DSCAM: variants seen among roughly 807,000 people sequenced by gnomAD.
The protein encoded by DSCAM is DS cell adhesion molecule.
In DSCAM, 47 loss-of-function variants were observed where a neutral mutation model predicts 217.7. That is an observed-to-expected ratio of 0.22 (90% CI 0.17 to 0.28). The LOEUF is 0.28. Among genes scored for constraint, DSCAM ranks in the 10% least tolerant of loss-of-function variants. The probability of loss-of-function intolerance (pLI) is 1.00; values close to 1 mark genes in which losing one functional copy is unlikely to be tolerated. For synonymous variants in DSCAM, 1,056 were observed against 1,015.3 expected, an observed-to-expected ratio of 1.04 and a Z score of -0.76; for missense variants, 2,080 against 2,618.3, an observed-to-expected ratio of 0.79 and a Z score of 4.49.
intron 3 of DSCAM, among the ~76,000 whole-genome samples, chr21:40,464,557 T>TTGCG (rs1428227397): frequency 6.6e-6 from 1 of 152,170 alleles, no homozygotes; most frequent in African/African-American, 2.4e-5. Context: ...ACAGGAGTCA[T>TTGCG]TGCGACTCTT....
intron 16 of DSCAM, 110 bp downstream of exon 16, chr21:40,167,108 A>C: frequency 1.0e-6 from 1 of 980,382 alleles, no homozygotes; most frequent in South Asian, 1.7e-5. Context: ...AATTTTGAAA[A>C]AATAAAAGTT....
chr21:40,439,014 T>C (rs1601644623), intron 3 of DSCAM, among the ~76,000 whole-genome samples: 1 of 152,272 alleles, frequency 6.6e-6, no homozygotes, highest in South Asian at 2.1e-4. Flanking sequence ...AAAGTAGAAG[T>C]ACCCTTTTCT....
chr21:40,161,422 TAAAA>T lies in DSCAM; in HGVS notation c.3018+5792_3018+5795del, dbSNP rs1290765436. Among the ~76,000 whole-genome samples the T allele has an allele frequency of 7.6e-3, 1,153 of 151,838 alleles. 18 individuals carry two copies. Among genetic ancestry groups the T allele is most frequent in the African/African-American group, 0.027 (1,114 of 41,400 alleles). On this transcript the variant is annotated intron_variant, in intron 16 of 32. Coordinates refer to ENST00000400454, the MANE Select transcript of DSCAM (RefSeq NM_001389.5). ...TCTAGAAAGTCCACAGTTTTTTTTT[TAAAA>T]GCACCACCTCTTGATATGAACCTTT...
At chr21:40,453,415 C>T (rs1260955709) in intron 3 of DSCAM, among the ~76,000 whole-genome samples, 1 of 152,190 alleles carries the variant, frequency 6.6e-6, no homozygotes. Flanking sequence ...AGATTCTGCA[C>T]TATGACAGGC....
intron 18 of DSCAM, among the ~76,000 whole-genome samples, chr21:40,139,730 G>GT (rs2090265202): frequency 6.6e-6 from 1 of 151,814 alleles, no homozygotes; most frequent in Admixed American, 6.6e-5. Flanking sequence ...TGCAGTTTGT[G>GT]TATGTGTATG....
intron 14 of DSCAM, among the ~76,000 whole-genome samples, chr21:40,182,578 T>TGGACAGGAGGGGCCAGCAGAGAAACC (rs2090822108): frequency 1.1e-5 from 1 of 93,392 alleles, no homozygotes; most frequent in African/African-American, 3.9e-5. Context: ...CCAGAGAAAC[T>TGGACAGGAGGGGCCAGCAGAGAAACC]GTGGACAGGA....
chr21:40,015,415 C>CTTTT (rs1491369175), intron 32 of DSCAM, among the ~76,000 whole-genome samples: 1 of 57,920 alleles, frequency 1.7e-5, no homozygotes, highest in African/African-American at 5.7e-5. Flanking sequence ...TATCTCTTGA[C>CTTTT]TCTTTTTTTT....
chr21:40,424,543 C>T (rs1217598170), intron 3 of DSCAM, among the ~76,000 whole-genome samples: 1 of 152,162 alleles, frequency 6.6e-6, no homozygotes, highest in Non-Finnish European at 1.5e-5. Context: ...GAACATGGCC[C>T]TGCAGACACC....
intron 3 of DSCAM, among the ~76,000 whole-genome samples, chr21:40,505,044 G>T (rs1227821929): frequency 6.6e-6 from 1 of 152,170 alleles, no homozygotes; most frequent in Admixed American, 6.5e-5. Flanking sequence ...CAGGTGGAAG[G>T]TAAGAGCCTA....
At chr21:40,221,259 A>T (rs1039729815) in intron 11 of DSCAM, among the ~76,000 whole-genome samples, 3 of 151,964 alleles carry the variant, frequency 2.0e-5, no homozygotes, top group African/African-American at 7.2e-5. Context: ...CCACCACCAC[A>T]CTACCCAGCC....
rs571325784 is a variant in DSCAM, at chr21:40,521,417, T to C, written c.509-152172A>G. Among the ~76,000 whole-genome samples the C allele has an allele frequency of 2.1e-4, 32 of 152,320 alleles. No individual in the cohort carries two copies. The East Asian group carries it at 5.8e-3, about 28-fold the overall frequency. ...CTTTCTCCACATCCTCAGCAACCCTTGTTATCTTATTATGTCTTTTGGATA... is the reference window on the plus strand; with the variant it reads ...CTTTCTCCACATCCTCAGCAACCCTCGTTATCTTATTATGTCTTTTGGATA... On this transcript the variant is annotated intron_variant, in intron 3 of 32. Transcript: ENST00000400454.
At chr21:40,826,887 AATC>A (rs1419239320) in intron 1 of DSCAM, among the ~76,000 whole-genome samples, 1 of 152,180 alleles carries the variant, frequency 6.6e-6, no homozygotes, top group Admixed American at 6.5e-5. Context: ...TCAGAGAAGA[AATC>A]ATGGATAGAG....
intron 15 of DSCAM, among the ~76,000 whole-genome samples, chr21:40,168,125 G>A (rs1431965882): frequency 6.6e-6 from 1 of 152,184 alleles, no homozygotes; most frequent in Non-Finnish European, 1.5e-5. Flanking sequence ...GCCACAGAGT[G>A]CTGAAGCAAT....
At chr21:40,622,286 C>CA (rs11429068) in intron 3 of DSCAM, among the ~76,000 whole-genome samples, 120,371 of 151,832 alleles carry the variant, frequency 0.79, 49,237 homozygotes, top group South Asian at 0.9. Context: ...TGGAGGTGTA[C>CA]AAAAAAAGGT....
intron 3 of DSCAM, among the ~76,000 whole-genome samples, chr21:40,442,517 G>GT (rs35821647): frequency 0.01 from 423 of 41,878 alleles, 1 homozygote; most frequent in Middle Eastern, 0.02. Context: ...TTTTTTTTTT[G>GT]TTTTTTTTTT....
At chr21:40,483,289 A>T (rs1303990767) in intron 3 of DSCAM, among the ~76,000 whole-genome samples, 1 of 152,186 alleles carries the variant, frequency 6.6e-6, no homozygotes, top group Non-Finnish European at 1.5e-5. Context: ...CTTTCATTTC[A>T]TGTCGAATCT....
intron 9 of DSCAM, 75 bp downstream of exon 9, chr21:40,312,006 T>C (rs1170091642): frequency 8.3e-6 from 10 of 1,208,334 alleles, no homozygotes; most frequent in Non-Finnish European, 1.1e-5. Flanking sequence ...TTTCGAAATA[T>C]TTCAAGCCCC....
intron 9 of DSCAM, among the ~76,000 whole-genome samples, chr21:40,302,406 A>G (rs1030176142): frequency 4.6e-5 from 7 of 152,144 alleles, no homozygotes; most frequent in African/African-American, 1.4e-4. Context: ...CATGTAAGAC[A>G]TGCCTTTCAC....
At chr21:40,349,031 G>A (rs891559126) in intron 5 of DSCAM, among the ~76,000 whole-genome samples, 2 of 150,664 alleles carry the variant, frequency 1.3e-5, no homozygotes, top group Non-Finnish European at 1.5e-5. Flanking sequence ...CATGTACTTG[G>A]GAGGCTGAGG....
Sources: allele counts gnomAD v4.1 joint callset (sites outside exome capture counted in the v4.1 genomes callset), GRCh38; gene constraint gnomAD v4.1.1; transcripts MANE v1.5; gene names NCBI Gene and HGNC (gene_info 2026-07-23, HGNC 2026-07-21).